CUBN: variants seen among roughly 807,000 people sequenced by gnomAD.
CUBN encodes cubilin.
In CUBN, 282 loss-of-function variants were observed where a neutral mutation model predicts 405.3. That is an observed-to-expected ratio of 0.70 (90% CI 0.63 to 0.77). CUBN has a LOEUF of 0.77. Among genes scored for constraint, CUBN ranks in the 30% least tolerant of loss-of-function variants. The probability of loss-of-function intolerance (pLI) is 0.00; values close to 1 mark genes in which losing one functional copy is unlikely to be tolerated. For synonymous variants in CUBN, 1,684 were observed against 1,617.0 expected (o/e 1.04, Z -0.99); for missense variants, 4,514 against 4,475.2 (o/e 1.01, Z -0.25).
chr10:16,946,290 TCTAGG>T lies in CUBN; in HGVS notation c.5342+940_5342+944del, dbSNP rs766914377. Among the ~76,000 whole-genome samples, 540 of 152,262 alleles carry T rather than the reference TCTAGG, an allele frequency of 3.5e-3. 12 individuals carry two copies. Among genetic ancestry groups the T allele is most frequent in the Admixed American group, 2.3e-3 (35 of 15,292 alleles). ...TAAAATGTGTGCTTTTTACATCTACTCTAGGACATATTATTGTTGCTGTCTAATTT... is the reference window on the plus strand; with the variant it reads ...TAAAATGTGTGCTTTTTACATCTACTACATATTATTGTTGCTGTCTAATTT... On this transcript the variant is annotated intron_variant, in intron 36 of 66. Coordinates refer to ENST00000377833, the MANE Select transcript of CUBN (RefSeq NM_001081.4).
At chr10:16,971,694 C>T (rs969359895) in intron 31 of CUBN, among the ~76,000 whole-genome samples, 14 of 152,184 alleles carry the variant, frequency 9.2e-5, no homozygotes, top group African/African-American at 2.6e-4. Flanking sequence ...ACCAATCTGG[C>T]GCTTCTTGGT....
intron 48 of CUBN, among the ~76,000 whole-genome samples, chr10:16,910,425 T>C (rs1216689367): frequency 6.6e-6 from 1 of 152,154 alleles, no homozygotes; most frequent in African/African-American, 2.4e-5. Flanking sequence ...AAAAAAGGAA[T>C]GTGGACATTA....
At chr10:17,005,281 GATTGTT>G (rs1833986504) in intron 28 of CUBN, among the ~76,000 whole-genome samples, 1 of 152,080 alleles carries the variant, frequency 6.6e-6, no homozygotes, top group Admixed American at 6.6e-5. Context: ...CCCCTAAGGA[GATTGTT>G]CGGACATTTT....
At chr10:17,014,229 G>T (rs1020605725) in intron 28 of CUBN, among the ~76,000 whole-genome samples, 15 of 152,268 alleles carry the variant, frequency 9.9e-5, no homozygotes, top group Admixed American at 3.9e-4. Context: ...TTGTGGGGTT[G>T]TCCCATGAGT....
At chr10:16,967,829 G>C (rs1338939575) in intron 31 of CUBN, among the ~76,000 whole-genome samples, 1 of 129,690 alleles carries the variant, frequency 7.7e-6, no homozygotes, top group Non-Finnish European at 1.8e-5. Context: ...GAGGGAGAGA[G>C]AGAGAAGGAG....
chr10:17,105,368 G>C (rs534058451), intron 11 of CUBN, 89 bp downstream of exon 11: 1 of 829,824 alleles, frequency 1.2e-6, no homozygotes, highest in African/African-American at 1.7e-5. Context: ...TCATTATCTT[G>C]ACATTCCTGA....
Position 16,836,363 on chromosome 10 carries a change from A to C in CUBN, c.10052T>G (p.Phe3351Cys). ...DSPQGHGNSRFQFCGRNASAV... is the reference protein window; with the variant it reads ...DSPQGHGNSRCQFCGRNASAV... ...CGAAGCATTTCTGCCACAGAACTGA[A>C]ATCTTGAATTTCCGTGACCCTGAAA... The change falls in exon 63 of 67, where the codon TTT (phenylalanine) becomes TGT (cysteine). Residue 3351 changes from phenylalanine (F) to cysteine (C), a missense_variant. Physicochemically the swap from Phe to Cys is radical, Grantham distance 205 (BLOSUM62 -2). This residue lies in a region of CUBN where 1,186 missense variants were observed against 1,186.9 expected (regional missense o/e 1.00). Transcript: ENST00000377833. The C allele has an allele frequency of 1.2e-6, 2 of 1,614,164 alleles. No individual in the cohort carries two copies. The highest frequency in any genetic ancestry group is 1.1e-5 in the South Asian group (1 of 91,084).
chr10:17,039,083 C>CG (rs201165792), intron 27 of CUBN, among the ~76,000 whole-genome samples: 87 of 152,188 alleles, frequency 5.7e-4, no homozygotes, highest in Non-Finnish European at 9.3e-4. Context: ...CTTTCCTCCC[C>CG]CCTCTTTCTG....
intron 56 of CUBN, among the ~76,000 whole-genome samples, chr10:16,887,460 T>C (rs1840853517): frequency 6.6e-6 from 1 of 152,232 alleles, no homozygotes; most frequent in African/African-American, 2.4e-5. Flanking sequence ...CTTTAAATGG[T>C]GAGTTTTAGA....
intron 28 of CUBN, among the ~76,000 whole-genome samples, chr10:16,995,064 C>T (rs1223426153): frequency 6.6e-6 from 1 of 152,144 alleles, no homozygotes; most frequent in East Asian, 1.9e-4. Context: ...GCTCTCCAGC[C>T]TGGGCGACAG....
rs200197243 is a variant in CUBN at position 16,913,944 on chromosome 10, T to C, written c.7400A>G (p.Asn2467Ser). 9.7e-5 allele frequency: 157 copies of C among 1,614,034 alleles called. No individual in the cohort carries two copies. Among genetic ancestry groups the C allele is most frequent in the East Asian group, 2.9e-4 (13 of 44,864 alleles). The change falls in exon 48 of 67, where the codon AAC becomes AGC. Residue 2467 changes from asparagine (N) to serine (S), a missense_variant. Physicochemically the swap from Asn to Ser is conservative, Grantham distance 46. Around this residue, in one of 5 missense-constraint regions of CUBN, gnomAD observed 1,613 missense variants for 1,542.8 expected, o/e 1.05. Coordinates refer to ENST00000377833, the MANE Select transcript of CUBN (RefSeq NM_001081.4). ...QGSIGTFTSP[N>S]YPNPNPHGRI... ...GCCATGAGGATTTGGGTTCGGGTAG[T>C]TGGGAGAAGTAAATGTTCCAATAGA...
At position 17,042,093 on chromosome 10, in the gene CUBN, C is replaced by T. The variant is rs117457680; in HGVS notation, c.3830-873G>A. Among the ~76,000 whole-genome samples the T allele has an allele frequency of 1.7e-3, 261 of 152,238 alleles. 1 individual carries two copies. The highest frequency in any genetic ancestry group is 2.8e-3 in the Non-Finnish European group (188 of 68,022). ...ATAGATGTATTCCTACTACGATATG[C>T]TTTCTGAAGGTGGGTAGAACACCAT... On this transcript the variant is annotated intron_variant, in intron 26 of 66. Transcript: ENST00000377833.
chr10:17,072,459 G>T (rs960667355), intron 17 of CUBN, among the ~76,000 whole-genome samples: 1 of 152,114 alleles, frequency 6.6e-6, no homozygotes, highest in African/African-American at 2.4e-5. Context: ...GAAGGCCAGG[G>T]ACAGTGGCAC....
At position 17,068,767 on chromosome 10, in the gene CUBN, C is replaced by T. The variant is rs752248094; in HGVS notation, c.2629G>A (p.Gly877Ser). 2.5e-6 allele frequency: 4 copies of T among 1,608,330 alleles called. No homozygotes were observed. The South Asian group carries it at 4.4e-5, about 18-fold the overall frequency. The change falls in exon 20 of 67, where the codon GGT (glycine) becomes AGT (serine). Residue 877 changes from glycine to serine, a missense_variant. By Grantham distance (56) the Gly-to-Ser change is moderately conservative. This residue lies in a region of CUBN where 1,448 missense variants were observed against 1,388.0 expected (regional missense o/e 1.04). Transcript: ENST00000377833. ...AHCETDYVEI[G>S]SSSILGSPEN... Reference sequence around the variant, plus strand: ...GGAGAACCCAAAATGGAACTGCTACCAATCTAAAATTAGAGAAGATATGTT... The same window carrying T: ...GGAGAACCCAAAATGGAACTGCTACTAATCTAAAATTAGAGAAGATATGTT...
At chr10:16,944,978 A>T (rs1465174930) in intron 36 of CUBN, among the ~76,000 whole-genome samples, 1 of 152,244 alleles carries the variant, frequency 6.6e-6, no homozygotes, top group Non-Finnish European at 1.5e-5. Context: ...TAACCTTCAC[A>T]GTCCTAGAAA....
At chr10:16,990,027 T>G (rs1379376603) in intron 29 of CUBN, among the ~76,000 whole-genome samples, 6 of 152,232 alleles carry the variant, frequency 3.9e-5, no homozygotes, top group African/African-American at 1.4e-4. Flanking sequence ...GGAGCCCAAG[T>G]TGCCCCCAGG....
At chr10:16,909,176 C>T (rs575140035) in intron 48 of CUBN, among the ~76,000 whole-genome samples, 6 of 152,286 alleles carry the variant, frequency 3.9e-5, no homozygotes, top group South Asian at 4.1e-4. Context: ...TGAGCCACCG[C>T]GCCCGGCCAA....
rs77564063 is a variant in CUBN at position 16,891,913 on chromosome 10, C to T, written c.8599-1386G>A. On this transcript the variant is annotated intron_variant, in intron 54 of 66. Coordinates refer to ENST00000377833, the MANE Select transcript of CUBN (RefSeq NM_001081.4). ...ATCTGCAATACCCAATATGCCCTTTCTATCAACAGACAACTATCTCAAACA... is the reference window on the plus strand; with the variant it reads ...ATCTGCAATACCCAATATGCCCTTTTTATCAACAGACAACTATCTCAAACA... Among the ~76,000 whole-genome samples the T allele has an allele frequency of 2.1e-3, 314 of 152,228 alleles. 3 individuals carry two copies. The highest frequency in any genetic ancestry group is 7.2e-3 in the African/African-American group (297 of 41,524).
intron 39 of CUBN, 137 bp downstream of exon 39, chr10:16,937,452 AAAC>A: frequency 1.5e-6 from 1 of 682,420 alleles, no homozygotes; most frequent in Non-Finnish European, 2.5e-6. Context: ...TATGAATTTA[AAAC>A]AACATCTGAA....
Sources: allele counts gnomAD v4.1 joint callset (sites outside exome capture counted in the v4.1 genomes callset), GRCh38; gene constraint gnomAD v4.1.1; regional missense constraint gnomAD v4.1.1; transcripts MANE v1.5; gene names NCBI Gene and HGNC (gene_info 2026-07-23, HGNC 2026-07-21).